Variants in TRMT1L observed in about 807,000 individuals in gnomAD.
The protein encoded by TRMT1L is tRNA (guanine(27)-N(2))-dimethyltransferase.
TRMT1L carries 28 observed loss-of-function variants against 81.6 expected under a neutral mutation model. The observed-to-expected ratio is 0.34, with a 90% CI of 0.25 to 0.47. The LOEUF (loss-of-function observed/expected upper bound fraction) is 0.47, where lower values mean the gene tolerates loss of function less well. Among genes scored for constraint, TRMT1L ranks in the 20% least tolerant of loss-of-function variants. TRMT1L has a pLI of 1.00. For missense variants in TRMT1L, 739 were observed against 877.1 expected (o/e 0.84, Z 1.99); for synonymous variants, 301 against 303.2 (o/e 0.99, Z 0.07).
chr1:185,127,485 G>A (rs538576224), intron 11 of TRMT1L, among the ~76,000 whole-genome samples: 13 of 152,036 alleles, frequency 8.6e-5, no homozygotes, highest in East Asian at 1.9e-4. Context: ...GGCCGGGTGC[G>A]GTAGCTCACA....
Position 185,140,019 on chromosome 1 carries a change from T to C in TRMT1L, c.1063A>G (p.Lys355Glu), listed in dbSNP as rs768845187. ...TGCATCAGTACATTGGCATCCATTTTGGTCACCTTAATATTACCAAGATTT... is the reference window on the plus strand; with the variant it reads ...TGCATCAGTACATTGGCATCCATTTCGGTCACCTTAATATTACCAAGATTT... ...EKNLGNIKVT[K>E]MDANVLMHLR... The change falls in exon 8 of 15, where the codon AAA becomes GAA. Residue 355 changes from lysine to glutamate, a missense_variant. Lys to Glu is a moderately conservative substitution (Grantham distance 56). Around this residue, in one of 4 missense-constraint regions of TRMT1L, gnomAD observed 331 missense variants for 462.2 expected, o/e 0.72. Transcript: ENST00000367506. 1.2e-6 allele frequency: 2 copies of C among 1,613,650 alleles called. No individual in the cohort carries two copies. Among genetic ancestry groups the C allele is most frequent in the African/African-American group, 2.7e-5 (2 of 74,924 alleles).
chr1:185,143,566 T>C (rs1028557265), intron 6 of TRMT1L, 130 bp from the exon 7 acceptor site: 63 of 728,884 alleles, frequency 8.6e-5, no homozygotes, highest in Non-Finnish European at 1.2e-4. Context: ...CCTGAAAACA[T>C]ATTCTGAATT....
intron 13 of TRMT1L, among the ~76,000 whole-genome samples, chr1:185,121,448 A>G (rs1652498842): frequency 6.6e-6 from 1 of 152,168 alleles, no homozygotes; most frequent in South Asian, 2.1e-4. Context: ...TCTCTTAAAA[A>G]AAAAAAAGTA....
chr1:185,147,377 G>T (rs1260465841), intron 3 of TRMT1L, 131 bp from the exon 4 acceptor site: 5 of 654,546 alleles, frequency 7.6e-6, no homozygotes, highest in Non-Finnish European at 1.3e-5. Flanking sequence ...ACTCAAATGA[G>T]ATTGCTTTAG....
chr1:185,129,262 T>C (rs1304525814), intron 10 of TRMT1L, among the ~76,000 whole-genome samples: 1 of 152,344 alleles, frequency 6.6e-6, no homozygotes, highest in Non-Finnish European at 1.5e-5. Context: ...TATACACCCA[T>C]GTAACCAACA....
intron 10 of TRMT1L, among the ~76,000 whole-genome samples, chr1:185,130,568 T>G (rs912385429): frequency 6.6e-6 from 1 of 152,172 alleles, no homozygotes; most frequent in Non-Finnish European, 1.5e-5. Context: ...GCCTGAAAAT[T>G]GAAGGCAATG....
chr1:185,156,364 T>C, intron 1 of TRMT1L, 114 bp downstream of exon 1: 1 of 1,609,912 alleles, frequency 6.2e-7, no homozygotes, highest in Non-Finnish European at 8.5e-7. Context: ...CCCACCATTT[T>C]CCTAAACCTG....
chr1:185,120,442 T>C lies in TRMT1L; in HGVS notation c.1890A>G (p.Glu630=), dbSNP rs776315469. 6.2e-7 allele frequency: 1 copy of C among 1,603,934 alleles called. No individual in the cohort carries two copies. The highest frequency in any genetic ancestry group is 8.5e-7 in the Non-Finnish European group (1 of 1,176,086). The part of the protein sequence containing the change: ...GKKQKTDVST[E]HPPFYYNIHR... Reference sequence around the variant, plus strand: ...GAATGTTGTAATAAAAGGGAGGATGTTCAGTACTGACATCAGTCTTTTGCT... The same window carrying C: ...GAATGTTGTAATAAAAGGGAGGATGCTCAGTACTGACATCAGTCTTTTGCT... Residue 630 remains glutamate, a synonymous_variant, in exon 14 of 15, where the codon GAA becomes GAG. Coordinates refer to ENST00000367506, the MANE Select transcript of TRMT1L (RefSeq NM_030934.5).
In TRMT1L at chr1:185,156,775, G is replaced by A; in HGVS notation, c.-63C>T. 2 of 1,597,222 alleles carry A rather than the reference G, an allele frequency of 1.3e-6. No individual in the cohort carries two copies. The highest frequency in any genetic ancestry group is 2.2e-5 in the East Asian group (1 of 44,484). On this transcript the variant is annotated 5_prime_UTR_variant, in exon 1 of 15. Coordinates refer to ENST00000367506, the MANE Select transcript of TRMT1L (RefSeq NM_030934.5). ...GAGCGGGGCTCACGGCGGGGTCAGA[G>A]AACTGACGTGAATGCCCACAGGGCT...
At chr1:185,128,115 A>G (rs760147439) in intron 11 of TRMT1L, among the ~76,000 whole-genome samples, 1 of 152,154 alleles carries the variant, frequency 6.6e-6, no homozygotes, top group Non-Finnish European at 1.5e-5. Context: ...ACTCTGTCTC[A>G]AAAAAACAAA....
In TRMT1L at chr1:185,137,801, A is replaced by G; in HGVS notation, c.1323-5T>C. ...TTGTTGCATCGGGCTGCAGCTCTAC[A>G]ATAAATTTTTTCAAGTTATTTTGTG... is the stretch of plus-strand genomic sequence containing the variant. On this transcript the variant is annotated splice_polypyrimidine_tract_variant and splice_region_variant and intron_variant, in intron 9 of 14. Transcript: ENST00000367506. 1 of 1,609,182 alleles carries G rather than the reference A, an allele frequency of 6.2e-7. No homozygotes were observed. Among genetic ancestry groups the G allele is most frequent in the Non-Finnish European group, 8.5e-7 (1 of 1,178,524 alleles).
intron 13 of TRMT1L, among the ~76,000 whole-genome samples, chr1:185,122,313 T>C (rs1164946926): frequency 6.6e-6 from 1 of 152,244 alleles, no homozygotes; most frequent in Non-Finnish European, 1.5e-5. Flanking sequence ...TAAGATTTTA[T>C]GTGTTGACCA....
chr1:185,140,444 C>T (rs925406978), intron 7 of TRMT1L, among the ~76,000 whole-genome samples: 1 of 151,904 alleles, frequency 6.6e-6, no homozygotes, highest in Admixed American at 6.6e-5. Context: ...TTTTATGATC[C>T]TTGTTCAAAT....
intron 7 of TRMT1L, 62 bp from the exon 8 acceptor site, chr1:185,140,284 G>A: frequency 7.8e-7 from 1 of 1,288,012 alleles, no homozygotes; most frequent in South Asian, 1.5e-5. Context: ...AATAAAAATG[G>A]TATAACAACA....
rs1652559734 is a variant in TRMT1L at position 185,123,939 on chromosome 1, GGAAAA to G, written c.1760-25_1760-21del. On this transcript the variant is annotated intron_variant, in intron 12 of 14. Transcript: ENST00000367506. Reference sequence around the variant, plus strand: ...TTTCTTCTAAAAAATAAAGCAAATGGGAAAAGAAAATATTTTACAGAATGACATAA... The same window carrying G: ...TTTCTTCTAAAAAATAAAGCAAATGGGAAAATATTTTACAGAATGACATAA... 1.5e-6 allele frequency: 2 copies of G among 1,354,356 alleles called. No homozygotes were observed. The highest frequency in any genetic ancestry group is 5.5e-5 in the Admixed American group (2 of 36,286). The allele number at this position is 1,354,356 out of a possible 1,614,324, so 83.9% of individuals were successfully genotyped here.
intron 1 of TRMT1L, among the ~76,000 whole-genome samples, chr1:185,153,681 G>C (rs1395040640): frequency 1.3e-5 from 2 of 152,008 alleles, no homozygotes; most frequent in African/African-American, 4.8e-5. Context: ...TTTTAAGTAT[G>C]GGGAACCTGA....
In TRMT1L at chr1:185,119,043, A is replaced by G. The variant is rs752153343; in HGVS notation, c.*976T>C. 2 of 149,514 alleles carry G rather than the reference A, an allele frequency of 1.3e-5. No individual in the cohort carries two copies. Among genetic ancestry groups the G allele is most frequent in the Non-Finnish European group, 3.0e-5 (2 of 67,712 alleles). The allele number at this position is 149,514 out of a possible 1,614,324, so 9.3% of individuals were successfully genotyped here. A position where few individuals can be genotyped will look rare whatever the true frequency, so the allele number is the denominator to read the frequency against. ...GAAGTGAGAATTCCATTAAGGAAAC[A>G]ATATTTTTTTTTTCAACTAATTTTT... On this transcript the variant is annotated 3_prime_UTR_variant, in exon 15 of 15. Coordinates refer to ENST00000367506, the MANE Select transcript of TRMT1L (RefSeq NM_030934.5).
In TRMT1L at chr1:185,156,810, GAGTGGGGAAGCA is replaced by G. The variant is rs1253829444; in HGVS notation, c.-110_-99del. 4 of 1,507,480 alleles carry G rather than the reference GAGTGGGGAAGCA, an allele frequency of 2.7e-6. No homozygotes were observed. Among genetic ancestry groups the G allele is most frequent in the South Asian group, 2.5e-5 (2 of 80,688 alleles). 93.4% of individuals were successfully genotyped at this position (1,507,480 alleles called of 1,614,324 possible). ...GAATGCCCACAGGGCTGGATCCAAG[GAGTGGGGAAGCA>G]AGTGGGGAGGGCGGGATGCGTGCAA... On this transcript the variant is annotated 5_prime_UTR_variant, in exon 1 of 15. Transcript: ENST00000367506.
At position 185,143,407 on chromosome 1, in the gene TRMT1L, A is replaced by C; in HGVS notation, c.809T>G (p.Leu270Trp). Residue 270 changes from leucine (L) to tryptophan (W), a missense_variant, in exon 7 of 15, where the codon TTG becomes TGG. Physicochemically the swap from Leu to Trp is moderately conservative, Grantham distance 61 (BLOSUM62 -2). Transcript: ENST00000367506. ...TTCCAAAGGTTTTCGTTCCTCAGCC[A>C]AAGCAGCCAATGTACAGAATATTAG... The part of the protein sequence containing the change: ...RQLIFCTLAA[L>W]AEERKPLECL... The C allele has an allele frequency of 1.2e-6, 2 of 1,611,818 alleles. No homozygotes were observed. The highest frequency in any genetic ancestry group is 1.7e-6 in the Non-Finnish European group (2 of 1,178,662).
Sources: allele counts gnomAD v4.1 joint callset (sites outside exome capture counted in the v4.1 genomes callset), GRCh38; gene constraint gnomAD v4.1.1; regional missense constraint gnomAD v4.1.1; transcripts MANE v1.5; gene names NCBI Gene and HGNC (gene_info 2026-07-23, HGNC 2026-07-21).